Variants in MYH3 observed in about 807,000 individuals in gnomAD.
MYH3 encodes myosin-3.
MYH3 carries 130 observed loss-of-function variants against 238.0 expected under a neutral mutation model. That is an observed-to-expected ratio of 0.55 (90% CI 0.47 to 0.63). The LOEUF is 0.63. MYH3 is among the 30% of genes least tolerant of loss of function. MYH3 has a pLI of 0.00. For missense variants in MYH3, 1,853 were observed against 2,374.9 expected, an observed-to-expected ratio of 0.78 and a Z score of 4.57; for synonymous variants, 880 against 924.1, an observed-to-expected ratio of 0.95 and a Z score of 0.86.
chr17:10,668,745 G>A, the MYH3 span, among the ~76,000 whole-genome samples: 31,687 of 152,056 alleles, frequency 0.21, 3,486 homozygotes, highest in Non-Finnish European at 0.25. Context: ...CTGCAAACAA[G>A]AAGAAAATAA....
intron 2 of MYH3, among the ~76,000 whole-genome samples, chr17:10,655,387 C>A (rs545954530): frequency 5.3e-5 from 8 of 152,292 alleles, no homozygotes; most frequent in Admixed American, 6.5e-5. Context: ...CTCTTGGGAC[C>A]GCCTTTTCCG....
intron 1 of MYH3, among the ~76,000 whole-genome samples, chr17:10,656,397 C>T (rs943183929): frequency 3.9e-5 from 6 of 152,186 alleles, no homozygotes; most frequent in East Asian, 3.9e-4. Flanking sequence ...AATTGCTGGG[C>T]GTGGCGGCAG....
In MYH3 at chr17:10,635,863, G is replaced by A. The variant is rs764763570; in HGVS notation, c.3857-10C>T. Reference sequence around the variant, plus strand: ...TGACGACTCAGCTCACCTGTGTCCAGAAGGAAATAGTTTCATTTCATTTAT... The same window carrying A: ...TGACGACTCAGCTCACCTGTGTCCAAAAGGAAATAGTTTCATTTCATTTAT... On this transcript the variant is annotated splice_polypyrimidine_tract_variant and intron_variant, in intron 28 of 40. Coordinates refer to ENST00000583535, the MANE Select transcript of MYH3 (RefSeq NM_002470.4). 1.0e-5 allele frequency: 16 copies of A among 1,601,848 alleles called. No homozygotes were observed. Among genetic ancestry groups the A allele is most frequent in the Non-Finnish European group, 1.3e-5 (15 of 1,168,960 alleles).
At chr17:10,633,386 A>C (rs958806620) in intron 33 of MYH3, among the ~76,000 whole-genome samples, 2 of 152,230 alleles carry the variant, frequency 1.3e-5, no homozygotes, top group Non-Finnish European at 2.9e-5. Flanking sequence ...AGGCCTATTT[A>C]ATATGACAGT....
chr17:10,678,260 AG>A, the MYH3 span: 2 of 152,260 alleles, frequency 1.3e-5, no homozygotes, highest in Non-Finnish European at 2.9e-5. Context: ...CAGAACAAAC[AG>A]GAACCTACCT....
At chr17:10,661,676 C>T (rs377439249), upstream of MYH3, among the ~76,000 whole-genome samples, 36 of 152,280 alleles carry the variant, frequency 2.4e-4, no homozygotes, top group South Asian at 2.1e-3. Flanking sequence ...TCTCCACCGC[C>T]GCCGTTTGAT....
rs377463916 is a variant in MYH3 at position 10,633,636 on chromosome 17, A to C, written c.4602T>G (p.Ile1534Met). 1 of 1,613,850 alleles carries C rather than the reference A, an allele frequency of 6.2e-7. No individual in the cohort carries two copies. Among genetic ancestry groups the C allele is most frequent in the Non-Finnish European group, 8.5e-7 (1 of 1,179,956 alleles). Residue 1534 changes from isoleucine (I) to methionine (M), a missense_variant, in exon 33 of 41, where the codon ATT becomes ATG. Physicochemically the swap from Ile to Met is conservative, Grantham distance 10. Transcript: ENST00000583535. ...IHELEKSRKQ[I>M]ELEKADIQLA... ...GCTGGATATCAGCCTTTTCCAGCTC[A>C]ATCTGCTTTCTTGATTTCTCCAGTT...
At chr17:10,652,901 G>A (rs1293469007) in intron 3 of MYH3, among the ~76,000 whole-genome samples, 1 of 152,066 alleles carries the variant, frequency 6.6e-6, no homozygotes, top group Admixed American at 6.6e-5. Context: ...GATTACAGGT[G>A]TGAGGCACCG....
At chr17:10,643,797 T>A (rs945620780) in intron 14 of MYH3, among the ~76,000 whole-genome samples, 26 of 152,244 alleles carry the variant, frequency 1.7e-4, no homozygotes, top group Non-Finnish European at 3.7e-4. Context: ...CATTTAATTT[T>A]TTTTCTTTTA....
At chr17:10,639,916 C>T in intron 22 of MYH3, 80 bp downstream of exon 22, 1 of 1,588,384 alleles carries the variant, frequency 6.3e-7, no homozygotes, top group South Asian at 1.2e-5. Flanking sequence ...GCAAAAATCC[C>T]CACCAATAAC....
At chr17:10,655,386 C>T (rs201880864) in intron 2 of MYH3, among the ~76,000 whole-genome samples, 2 of 152,188 alleles carry the variant, frequency 1.3e-5, no homozygotes, top group African/African-American at 4.8e-5. Context: ...ACTCTTGGGA[C>T]CGCCTTTTCC....
At position 10,634,890 on chromosome 17, in the gene MYH3, C is replaced by T. The variant is rs1311445470; in HGVS notation, c.4306G>A (p.Ala1436Thr). 2 of 1,614,174 alleles carry T rather than the reference C, an allele frequency of 1.2e-6. No homozygotes were observed. Among genetic ancestry groups the T allele is most frequent in the South Asian group, 2.2e-5 (2 of 91,084 alleles). Residue 1436 changes from alanine (A) to threonine (T), a missense_variant, in exon 31 of 41, where the codon GCC becomes ACC. This residue lies in a region of MYH3 where 1,044 missense variants were observed against 1,192.6 expected (regional missense o/e 0.88). Transcript: ENST00000583535. The part of the protein sequence containing the change: ...VEDLMVDVER[A>T]NSLAAALDKK... ...TCCAGAGCGGCGGCCAAGGAATTGGCTCTTTCAACATCAACCATCAGATCC... is the reference window on the plus strand; with the variant it reads ...TCCAGAGCGGCGGCCAAGGAATTGGTTCTTTCAACATCAACCATCAGATCC...
At chr17:10,669,681 G>A in the MYH3 span, among the ~76,000 whole-genome samples, 1 of 152,058 alleles carries the variant, frequency 6.6e-6, no homozygotes, top group South Asian at 2.1e-4. Flanking sequence ...AGATGGGAGG[G>A]TCTCTTGAGC....
chr17:10,629,426 C>T (rs1484818126), intron 40 of MYH3, among the ~76,000 whole-genome samples, 171 bp downstream of exon 40: 1 of 152,136 alleles, frequency 6.6e-6, no homozygotes, highest in Admixed American at 6.5e-5. Context: ...TTTATTGTGA[C>T]TCACAGACCA....
In MYH3 at chr17:10,630,155, C is replaced by T. The variant is rs749466099; in HGVS notation, c.5499G>A (p.Lys1833=). ...TCAGGCCCTTAACAGACTCTGTGTT[C>T]TTCTTCTGCTCTCCCTCAAGTTCAA... The part of the protein sequence containing the change: ...LEFELEGEQK[K]NTESVKGLRK... The change falls in exon 38 of 41, where the codon AAG becomes AAA. Residue 1833 remains lysine, a synonymous_variant. Coordinates refer to ENST00000583535, the MANE Select transcript of MYH3 (RefSeq NM_002470.4). 9 of 1,614,086 alleles carry T rather than the reference C, an allele frequency of 5.6e-6. No homozygotes were observed. The Admixed American group carries it at 1.0e-4, about 18-fold the overall frequency.
chr17:10,657,814 ATAAT>A (rs559585014), upstream of MYH3, among the ~76,000 whole-genome samples: 52 of 151,952 alleles, frequency 3.4e-4, no homozygotes, highest in African/African-American at 1.1e-3. Flanking sequence ...TGTGCCAGGA[ATAAT>A]TAATAATAAT....
intron 40 of MYH3, among the ~76,000 whole-genome samples, chr17:10,628,981 A>T (rs1000320224): frequency 6.6e-6 from 1 of 152,130 alleles, no homozygotes; most frequent in South Asian, 2.1e-4. Flanking sequence ...GGGGCGCATG[A>T]AAGAGCTCAG....
intron 1 of MYH3, among the ~76,000 whole-genome samples, chr17:10,656,701 T>C (rs896059872): frequency 1.3e-5 from 2 of 152,192 alleles, no homozygotes; most frequent in Non-Finnish European, 2.9e-5. Context: ...TTCTTCAGTC[T>C]TCCTCACTCC....
intron 10 of MYH3, among the ~76,000 whole-genome samples, chr17:10,646,979 G>A (rs2074328134): frequency 1.3e-5 from 2 of 152,144 alleles, no homozygotes; most frequent in South Asian, 4.1e-4. Flanking sequence ...ACCCAGAAAG[G>A]TCAAGACTAC....
Sources: gnomAD v4.1 joint callset for allele counts (sites outside exome capture counted in the v4.1 genomes callset) on GRCh38, gnomAD v4.1.1 for gene constraint, gnomAD v4.1.1 regional missense constraint, MANE v1.5 for transcripts, NCBI Gene and HGNC (gene_info 2026-07-23, HGNC 2026-07-21) for gene names.